CLTC: variants seen among roughly 807,000 people sequenced by gnomAD.
The protein encoded by CLTC is clathrin heavy chain, also known as clathrin heavy chain 1.
CLTC carries 16 observed loss-of-function variants against 195.8 expected under a neutral mutation model. The ratio of observed to expected loss-of-function variants is 0.08; its 90% CI spans 0.06 to 0.12. The LOEUF (loss-of-function observed/expected upper bound fraction) is 0.12. CLTC is among the 10% of genes least tolerant of loss of function. The pLI is 1.00. For missense variants in CLTC, 796 were observed against 2,027.0 expected (o/e 0.39, Z 11.66); for synonymous variants, 667 against 689.4 (o/e 0.97, Z 0.51).
intron 14 of CLTC, among the ~76,000 whole-genome samples, 159 bp from the exon 15 acceptor site, chr17:59,673,488 G>A (rs1325290304): frequency 1.3e-5 from 2 of 152,052 alleles, no homozygotes; most frequent in African/African-American, 4.8e-5. Flanking sequence ...ACTGAAACTG[G>A]GATGTACACA....
Position 59,648,160 on chromosome 17 carries a change from C to A in CLTC, c.520-80C>A. ...ATCCTGCTAAAGATGACAAAGCATTCTAATTATTTCATTACTTGATGAATC... is the reference window on the plus strand; with the variant it reads ...ATCCTGCTAAAGATGACAAAGCATTATAATTATTTCATTACTTGATGAATC... On this transcript the variant is annotated intron_variant, in intron 3 of 31. Coordinates refer to ENST00000269122, the MANE Select transcript of CLTC (RefSeq NM_004859.4). The surrounding 1 kb of genome is among the most constrained non-coding windows in gnomAD (Gnocchi z 4.5). 8.0e-7 allele frequency: 1 copy of A among 1,256,512 alleles called. No homozygotes were observed. Among genetic ancestry groups the A allele is most frequent in the Non-Finnish European group, 1.1e-6 (1 of 905,234 alleles). 77.8% of individuals were successfully genotyped at this position (1,256,512 alleles called of 1,614,324 possible).
chr17:59,626,500 C>T (rs983288407), intron 1 of CLTC, among the ~76,000 whole-genome samples: 2 of 152,032 alleles, frequency 1.3e-5, no homozygotes, highest in African/African-American at 4.8e-5. Context: ...GAATGCCGGT[C>T]AGGCGATTGT....
At chr17:59,684,216 CT>C in intron 28 of CLTC, 1 of 443,900 alleles carries the variant, frequency 2.3e-6, no homozygotes, top group Non-Finnish European at 4.0e-6. Context: ...GATATGATTA[CT>C]TTATCTCTAA....
rs149365664 is a variant in CLTC, at chr17:59,622,364, A to G, written c.42+2191A>G. Among the ~76,000 whole-genome samples the G allele has an allele frequency of 2.6e-3, 399 of 152,224 alleles. 1 individual carries two copies. The highest frequency in any genetic ancestry group is 8.6e-3 in the African/African-American group (358 of 41,526). On this transcript the variant is annotated intron_variant, in intron 1 of 31. Coordinates refer to ENST00000269122, the MANE Select transcript of CLTC (RefSeq NM_004859.4). ...ATATATCTCCTAACTTCATATCATTATCTCCTCCCTTTTTAAAAATTAATA... is the reference window on the plus strand; with the variant it reads ...ATATATCTCCTAACTTCATATCATTGTCTCCTCCCTTTTTAAAAATTAATA...
At chr17:59,677,808 C>A (rs552838467) in intron 17 of CLTC, among the ~76,000 whole-genome samples, 3 of 152,096 alleles carry the variant, frequency 2.0e-5, no homozygotes, top group Non-Finnish European at 4.4e-5. Flanking sequence ...ACAATAGTTG[C>A]TTTTTCTATT....
At position 59,691,648 on chromosome 17, in the gene CLTC, T is replaced by TAC. The variant is rs1555608215; in HGVS notation, c.4903+939_4903+940dup. Among the ~76,000 whole-genome samples the TAC allele has an allele frequency of 4.8e-5, 7 of 146,904 alleles. No homozygotes were observed. In the South Asian group the frequency reaches 1.1e-3, roughly 22 times the overall value. On this transcript the variant is annotated intron_variant, in intron 31 of 31. Transcript: ENST00000269122. ...TAAAAAAAAAATATATATATATATA[T>TAC]ACATATATATATATATAACCATTAT...
In CLTC at chr17:59,696,259, T is replaced by C. The variant is rs185294271; in HGVS notation, c.*2407T>C. 1.9e-3 allele frequency: 424 copies of C among 222,186 alleles called. 1 individual carries two copies. The highest frequency in any genetic ancestry group is 2.5e-3 in the Non-Finnish European group (283 of 111,064). The allele number at this position is 222,186 out of a possible 1,614,324, so 13.8% of individuals were successfully genotyped here. A position where few individuals can be genotyped will look rare whatever the true frequency, so the allele number is the denominator to read the frequency against. ...TCATTCACAGTTGCAATTTTTCTCC[T>C]GTGCTGTCATATGCCTGTGCGAAGT... On this transcript the variant is annotated 3_prime_UTR_variant, in exon 32 of 32. Coordinates refer to ENST00000269122, the MANE Select transcript of CLTC (RefSeq NM_004859.4).
chr17:59,624,218 A>T (rs924071769), intron 1 of CLTC, among the ~76,000 whole-genome samples: 1 of 152,172 alleles, frequency 6.6e-6, no homozygotes, highest in African/African-American at 2.4e-5. Context: ...TCCGAATGGG[A>T]TGTGTACCTG....
At chr17:59,632,650 A>G (rs1196596384) in intron 1 of CLTC, among the ~76,000 whole-genome samples, 2 of 152,044 alleles carry the variant, frequency 1.3e-5, no homozygotes, top group Non-Finnish European at 2.9e-5. Context: ...CTCAAAAACA[A>G]ACAAAAAAAT....
intron 31 of CLTC, among the ~76,000 whole-genome samples, chr17:59,693,379 T>A (rs1567978593): frequency 8.1e-6 from 1 of 124,178 alleles, no homozygotes; most frequent in Non-Finnish European, 1.9e-5. Flanking sequence ...TTTTTTTTTT[T>A]TAAAAAGTCT....
chr17:59,622,014 T>C (rs1217573505), intron 1 of CLTC, among the ~76,000 whole-genome samples: 1 of 152,230 alleles, frequency 6.6e-6, no homozygotes, highest in East Asian at 1.9e-4. Flanking sequence ...GTTGGAGTAA[T>C]AGCTTTTCAT....
Position 59,693,988 on chromosome 17 carries a change from A to G in CLTC, c.*136A>G. On this transcript the variant is annotated 3_prime_UTR_variant, in exon 32 of 32. Coordinates refer to ENST00000269122, the MANE Select transcript of CLTC (RefSeq NM_004859.4). Reference sequence around the variant, plus strand: ...TCATGAAGGACTTCTTTTTGTTTCTAACTATAAACTTGGATCACCTATGTT... The same window carrying G: ...TCATGAAGGACTTCTTTTTGTTTCTGACTATAAACTTGGATCACCTATGTT... The G allele has an allele frequency of 1.1e-6, 1 of 917,640 alleles. No homozygotes were observed. Among genetic ancestry groups the G allele is most frequent in the South Asian group, 2.5e-5 (1 of 39,796 alleles). The allele number at this position is 917,640 out of a possible 1,614,324, so 56.8% of individuals were successfully genotyped here.
intron 16 of CLTC, 101 bp from the exon 17 acceptor site, chr17:59,676,853 A>G: frequency 1.1e-6 from 1 of 886,920 alleles, no homozygotes; most frequent in Non-Finnish European, 1.7e-6. Context: ...AGTATGTGAA[A>G]GCACATTATA....
At chr17:59,663,781 C>T (rs2032663571) in intron 8 of CLTC, 61 bp from the exon 9 acceptor site, 2 of 1,441,224 alleles carry the variant, frequency 1.4e-6, no homozygotes, top group Non-Finnish European at 1.9e-6. Flanking sequence ...GACATAGTGT[C>T]AACTGCTCAT....
At chr17:59,629,818 C>T (rs1281781915) in intron 1 of CLTC, among the ~76,000 whole-genome samples, 6 of 152,020 alleles carry the variant, frequency 3.9e-5, no homozygotes, top group African/African-American at 9.6e-5. Flanking sequence ...CACACCCAGC[C>T]TAGAGATCAT....
Position 59,651,270 on chromosome 17 carries a change from T to C in CLTC, c.749T>C (p.Val250Ala). ...CCCTTTCCAAAGAAGGCAGTGGATG[T>C]CTTCTTTCCTCCAGAAGCACAAAAT... ...NQPFPKKAVD[V>A]FFPPEAQNDF... The change falls in exon 5 of 32, where the codon GTC (valine) becomes GCC (alanine). Residue 250 changes from valine to alanine, a missense_variant. Val to Ala is a moderately conservative substitution (Grantham distance 64, BLOSUM62 0). Around this residue, in one of 9 missense-constraint regions of CLTC, gnomAD observed 293 missense variants for 795.6 expected, o/e 0.37. Transcript: ENST00000269122. The C allele has an allele frequency of 1.9e-6, 3 of 1,614,008 alleles. No homozygotes were observed. The highest frequency in any genetic ancestry group is 2.5e-6 in the Non-Finnish European group (3 of 1,179,906).
At chr17:59,629,670 G>A (rs749884191) in intron 1 of CLTC, among the ~76,000 whole-genome samples, 2 of 151,840 alleles carry the variant, frequency 1.3e-5, no homozygotes, top group Non-Finnish European at 2.9e-5. Flanking sequence ...ACAGGTGCCC[G>A]CCACCATGCC....
chr17:59,677,286 G>T (rs1467944239), intron 17 of CLTC, 98 bp downstream of exon 17: 1 of 864,418 alleles, frequency 1.2e-6, no homozygotes, highest in Admixed American at 2.5e-5. Flanking sequence ...GACATTTGGG[G>T]ACGGTGGGTG....
chr17:59,644,823 T>C (rs2032147739), intron 2 of CLTC, among the ~76,000 whole-genome samples: 1 of 152,210 alleles, frequency 6.6e-6, no homozygotes, highest in African/African-American at 2.4e-5. Flanking sequence ...AGTGCTGAGA[T>C]TACAGGCGTG....
Sources: gnomAD v4.1 joint callset for allele counts (sites outside exome capture counted in the v4.1 genomes callset) on GRCh38, gnomAD v4.1.1 for gene constraint, gnomAD v4.1.1 regional missense constraint, Gnocchi (gnomAD v3.1) non-coding constraint, MANE v1.5 for transcripts, NCBI Gene and HGNC (gene_info 2026-07-23, HGNC 2026-07-21) for gene names.